GRAMD1C: variants seen among roughly 807,000 people sequenced by gnomAD.
The protein encoded by GRAMD1C is GRAM domain containing 1C, also known as protein Aster-C.
A neutral mutation model predicts 97.8 loss-of-function variants in GRAMD1C; 89 were observed. That is an observed-to-expected ratio of 0.91 (90% CI 0.77 to 1.09). GRAMD1C has a LOEUF of 1.09. Ranked by LOEUF, GRAMD1C falls within the 50% of genes least tolerant of loss-of-function variation. The pLI, the probability that GRAMD1C is intolerant of heterozygous loss-of-function variation, is 0.00. For synonymous variants in GRAMD1C, 256 were observed against 267.0 expected, an observed-to-expected ratio of 0.96 and a Z score of 0.40; for missense variants, 740 against 766.4, an observed-to-expected ratio of 0.97 and a Z score of 0.41.
chr3:113,857,560 T>C (rs1416573775), intron 2 of GRAMD1C, among the ~76,000 whole-genome samples: 3 of 152,174 alleles, frequency 2.0e-5, no homozygotes, highest in Admixed American at 6.5e-5. Flanking sequence ...GTATTTTTAG[T>C]AGGGACGGGG....
chr3:113,879,132 G>T (rs367941335), intron 5 of GRAMD1C, among the ~76,000 whole-genome samples: 22 of 151,990 alleles, frequency 1.4e-4, no homozygotes, highest in African/African-American at 5.3e-4. Flanking sequence ...TTGAACCCGG[G>T]GGGTGGAGGT....
Position 113,849,295 on chromosome 3 carries a change from A to AT in GRAMD1C, c.174+4649dup, listed in dbSNP as rs1190143863. ...TATTTATTTATTTATTTATTTATTT[A>AT]TTTATTTATTTATTTTTTATTGATC... On this transcript the variant is annotated intron_variant, in intron 2 of 17. Transcript: ENST00000358160. Among the ~76,000 whole-genome samples the AT allele has an allele frequency of 3.8e-4, 57 of 149,510 alleles. 1 individual carries two copies. Among genetic ancestry groups the AT allele is most frequent in the Middle Eastern group, 3.4e-3 (1 of 290 alleles).
intron 2 of GRAMD1C, among the ~76,000 whole-genome samples, chr3:113,845,706 AAAAAATAAAAAT>A (rs1318238717): frequency 6.6e-6 from 1 of 152,198 alleles, no homozygotes; most frequent in Non-Finnish European, 1.5e-5. Context: ...CCCTGTCTCA[AAAAAATAAAAAT>A]AAAAATAAAA....
chr3:113,914,465 GATTTAACCTGACT>G (rs762513637), intron 9 of GRAMD1C, among the ~76,000 whole-genome samples: 60 of 152,280 alleles, frequency 3.9e-4, no homozygotes, highest in Non-Finnish European at 1.9e-4. Flanking sequence ...ATTGCCCTTT[GATTTAACCTGACT>G]AATATTGACA....
chr3:113,897,733 T>C, intron 6 of GRAMD1C: 1 of 984,676 alleles, frequency 1.0e-6, no homozygotes, highest in Non-Finnish European at 1.2e-6. Context: ...TTTTGAGCCT[T>C]ATCTGATTAC....
chr3:113,902,375 G>C (rs1443740412), intron 7 of GRAMD1C, among the ~76,000 whole-genome samples: 1 of 152,012 alleles, frequency 6.6e-6, no homozygotes, highest in Non-Finnish European at 1.5e-5. Context: ...GCCTCTTGCC[G>C]GCTCTGGATT....
chr3:113,930,109 G>T (rs1937355819), intron 10 of GRAMD1C, among the ~76,000 whole-genome samples: 1 of 152,116 alleles, frequency 6.6e-6, no homozygotes, highest in Non-Finnish European at 1.5e-5. Flanking sequence ...AAATAAAAGA[G>T]AATTTTTACC....
chr3:113,901,297 G>A (rs1422522988), intron 7 of GRAMD1C, 151 bp downstream of exon 7: 2 of 566,452 alleles, frequency 3.5e-6, no homozygotes, highest in Non-Finnish European at 3.2e-6. Flanking sequence ...TGAAAGGTGG[G>A]GACAGAGAAT....
intron 2 of GRAMD1C, among the ~76,000 whole-genome samples, chr3:113,848,984 A>AAAAC (rs59058998): frequency 1 from 151,650 of 151,844 alleles, 75,728 homozygotes; most frequent in Middle Eastern, 1. Flanking sequence ...AGCAAAATGT[A>AAAAC]AAACAAACAA....
intron 1 of GRAMD1C, among the ~76,000 whole-genome samples, chr3:113,831,976 T>C (rs1709562936): frequency 6.6e-6 from 1 of 152,210 alleles, no homozygotes; most frequent in Non-Finnish European, 1.5e-5. Flanking sequence ...TCTTGTTTCT[T>C]TGTGTACCTT....
chr3:113,850,183 C>CT (rs201635136), intron 2 of GRAMD1C: 6,425 of 374,432 alleles, frequency 0.017, 2 homozygotes, highest in East Asian at 0.052. Flanking sequence ...TATATACTTA[C>CT]TTTTTTTTTT....
At chr3:113,872,640 CT>C (rs1934867508) in intron 3 of GRAMD1C, among the ~76,000 whole-genome samples, 1 of 151,248 alleles carries the variant, frequency 6.6e-6, no homozygotes, top group South Asian at 2.1e-4. Context: ...AGTGATCTTC[CT>C]GCCTTGGCCT....
intron 2 of GRAMD1C, among the ~76,000 whole-genome samples, chr3:113,858,044 T>G (rs1273939939): frequency 6.6e-6 from 1 of 152,154 alleles, no homozygotes; most frequent in African/African-American, 2.4e-5. Context: ...CTTGTTCTGT[T>G]TTTTGGAGAG....
intron 17 of GRAMD1C, 59 bp downstream of exon 17, chr3:113,940,404 T>G (rs1290989616): frequency 1.0e-6 from 1 of 957,448 alleles, no homozygotes; most frequent in African/African-American, 1.6e-5. Flanking sequence ...AATTAGTTGC[T>G]CTTCTGTGTA....
At chr3:113,857,382 T>G (rs2107346366) in intron 2 of GRAMD1C, among the ~76,000 whole-genome samples, 1 of 150,832 alleles carries the variant, frequency 6.6e-6, no homozygotes, top group South Asian at 2.1e-4. Flanking sequence ...GTATTCCTTT[T>G]TTTTTTTTTT....
chr3:113,834,115 G>A (rs180992700), upstream of GRAMD1C, among the ~76,000 whole-genome samples: 1 of 152,238 alleles, frequency 6.6e-6, no homozygotes, highest in Admixed American at 6.5e-5. Context: ...TACTGCTGAA[G>A]AGTATATGCA....
intron 5 of GRAMD1C, among the ~76,000 whole-genome samples, chr3:113,878,069 T>G (rs1935118411): frequency 2.0e-5 from 3 of 152,210 alleles, no homozygotes; most frequent in Admixed American, 2.0e-4. Context: ...TGTGAGCCAC[T>G]GCGCCCAGCC....
At chr3:113,876,417 G>A (rs964117855) in intron 5 of GRAMD1C, among the ~76,000 whole-genome samples, 157 bp downstream of exon 5, 2 of 152,078 alleles carry the variant, frequency 1.3e-5, no homozygotes, top group African/African-American at 4.8e-5. Context: ...TTATATTAGT[G>A]GTTAACTTTA....
At chr3:113,858,634 C>G (rs1263842744) in intron 2 of GRAMD1C, among the ~76,000 whole-genome samples, 1 of 151,990 alleles carries the variant, frequency 6.6e-6, no homozygotes, top group African/African-American at 2.4e-5. Flanking sequence ...GACCTTGTGA[C>G]CCACCCGCCT....
Sources: gnomAD v4.1 joint callset for allele counts (sites outside exome capture counted in the v4.1 genomes callset) on GRCh38, gnomAD v4.1.1 for gene constraint, MANE v1.5 for transcripts, NCBI Gene and HGNC (gene_info 2026-07-23, HGNC 2026-07-21) for gene names.